OR56A3: variants seen among roughly 807,000 people sequenced by gnomAD.
The protein encoded by OR56A3 is olfactory receptor family 56 subfamily A member 3, also known as olfactory receptor 56A3.
OR56A3 carries 23 observed loss-of-function variants against 17.5 expected under a neutral mutation model. The observed-to-expected ratio is 1.32, with a 90% CI of 0.95 to 1.87. The LOEUF is 1.87. Ranked by LOEUF, OR56A3 falls within the 40% of genes most tolerant of loss-of-function variation. OR56A3 has a pLI of 0.00. For synonymous variants in OR56A3, 175 were observed against 150.6 expected, an observed-to-expected ratio of 1.16 and a Z score of -1.19; for missense variants, 366 against 380.1, an observed-to-expected ratio of 0.96 and a Z score of 0.31.
At chr11:5,968,296 T>C in the OR56A3 span, 1 of 1,612,722 alleles carries the variant, frequency 6.2e-7, no homozygotes. Context: ...GAGAGGAGGC[T>C]GAGCAGGTAG....
chr11:5,996,940 G>T, the OR56A3 span, among the ~76,000 whole-genome samples: 3 of 152,202 alleles, frequency 2.0e-5, no homozygotes, highest in African/African-American at 7.2e-5. Flanking sequence ...TGAGAGCAAG[G>T]CAGGATGAGA....
At chr11:5,986,592 G>C in the OR56A3 span, 4 of 1,613,956 alleles carry the variant, frequency 2.5e-6, no homozygotes, top group Non-Finnish European at 3.4e-6. Flanking sequence ...TCAGGCAGAC[G>C]ATGTACCCAA....
the OR56A3 span, among the ~76,000 whole-genome samples, chr11:5,956,789 A>G: frequency 6.6e-6 from 1 of 152,220 alleles, no homozygotes; most frequent in Admixed American, 6.5e-5. Context: ...GTACCTGCAC[A>G]AACATACCTA....
At chr11:5,978,528 T>C in the OR56A3 span, among the ~76,000 whole-genome samples, 1 of 152,098 alleles carries the variant, frequency 6.6e-6, no homozygotes, top group East Asian at 1.9e-4. Context: ...AGTATTGGTG[T>C]GTATAGGAAT....
At chr11:5,995,815 T>C in the OR56A3 span, among the ~76,000 whole-genome samples, 9 of 152,354 alleles carry the variant, frequency 5.9e-5, no homozygotes, top group African/African-American at 1.4e-4. Flanking sequence ...CACCACGCTG[T>C]GCAATAGATC....
the OR56A3 span, among the ~76,000 whole-genome samples, chr11:5,962,771 C>T: frequency 6.6e-6 from 1 of 152,236 alleles, no homozygotes; most frequent in Non-Finnish European, 1.5e-5. Context: ...ATCTCCTGAC[C>T]TCATGATTCA....
intron 1 of OR56A3, among the ~76,000 whole-genome samples, chr11:5,944,162 G>C (rs1847855270): frequency 1.3e-5 from 2 of 152,216 alleles, no homozygotes; most frequent in South Asian, 4.1e-4. Context: ...CTTACTCTCA[G>C]TGAGCCACTC....
chr11:5,949,073 A>G lies in OR56A3; in HGVS notation c.*779A>G, dbSNP rs1156504933. ...AAACAAATCTTTATTAATGAGTCAA[A>G]AGATTGCTGGTATTAGAGCATACAA... On this transcript the variant is annotated 3_prime_UTR_variant, in exon 3 of 3. Coordinates refer to ENST00000641160, the MANE Select transcript of OR56A3 (RefSeq NM_001003443.3). 6.6e-6 allele frequency: 1 copy of G among 152,216 alleles called. No individual in the cohort carries two copies. The highest frequency in any genetic ancestry group is 2.4e-5 in the African/African-American group (1 of 41,460). The allele number at this position is 152,216 out of a possible 1,614,324, so 9.4% of individuals were successfully genotyped here.
chr11:6,014,793 A>T, the OR56A3 span, among the ~76,000 whole-genome samples: 1 of 152,060 alleles, frequency 6.6e-6, no homozygotes, highest in Non-Finnish European at 1.5e-5. Context: ...GAGGTCTCAG[A>T]TGGAAAAGAG....
At chr11:6,002,631 AT>A in the OR56A3 span, 1 of 1,614,264 alleles carries the variant, frequency 6.2e-7, no homozygotes, top group South Asian at 1.1e-5. Context: ...GTCATAGGCC[AT>A]GACCATGAAC....
At chr11:5,992,778 C>A in the OR56A3 span, among the ~76,000 whole-genome samples, 1 of 152,120 alleles carries the variant, frequency 6.6e-6, no homozygotes, top group African/African-American at 2.4e-5. Context: ...CATCTGTTAC[C>A]CAGTAACAAG....
chr11:5,995,773 C>G, the OR56A3 span, among the ~76,000 whole-genome samples: 3 of 152,058 alleles, frequency 2.0e-5, no homozygotes, highest in Admixed American at 6.5e-5. Context: ...TTTCATTTTT[C>G]AAGAATACAA....
Position 5,947,326 on chromosome 11 carries a change from C to A in OR56A3, c.-21C>A. On this transcript the variant is annotated 5_prime_UTR_variant, in exon 3 of 3. Coordinates refer to ENST00000641160, the MANE Select transcript of OR56A3 (RefSeq NM_001003443.3). ...AATTTTCCAGATCACTGAAAGAAAG[C>A]AGTAAAATATATGGGAAAATATGAC... The A allele has an allele frequency of 6.5e-7, 1 of 1,546,244 alleles. No homozygotes were observed. Among genetic ancestry groups the A allele is most frequent in the Non-Finnish European group, 8.8e-7 (1 of 1,140,662 alleles).
Position 5,947,427 on chromosome 11 carries a change from G to A in OR56A3, c.81G>A (p.Trp27Ter). The change falls in exon 3 of 3, where the codon TGG (tryptophan) becomes TGA (stop). Residue 27 changes from tryptophan (W) to a stop codon, truncating the protein, a stop_gained. Coordinates refer to ENST00000641160, the MANE Select transcript of OR56A3 (RefSeq NM_001003443.3). LOFTEE classifies it high-confidence loss of function. The stretch of plus-strand genomic sequence containing the variant: ...ATTGTTTTGTCAGATCCCCCAGCTG[G>A]CAGCACTGGCTGTCCCTGCCCCTCA... Reference protein sequence around the residue: ...LLNCFVRSPSWQHWLSLPLSL... With the variant: ...LLNCFVRSPS 2 of 1,614,146 alleles carry A rather than the reference G, an allele frequency of 1.2e-6. No homozygotes were observed. Among genetic ancestry groups the A allele is most frequent in the Non-Finnish European group, 1.7e-6 (2 of 1,180,024 alleles).
the OR56A3 span, chr11:5,967,928 T>C: frequency 1.3e-6 from 2 of 1,595,282 alleles, no homozygotes; most frequent in Non-Finnish European, 1.7e-6. Flanking sequence ...CACAAGAGAG[T>C]TTAGACACAG....
the OR56A3 span, among the ~76,000 whole-genome samples, chr11:5,966,893 A>AAC: frequency 0.084 from 12,408 of 147,150 alleles, 581 homozygotes; most frequent in Middle Eastern, 0.11. Flanking sequence ...CACTTAAAGC[A>AAC]ACACACACAC....
At chr11:5,963,362 C>G in the OR56A3 span, among the ~76,000 whole-genome samples, 1 of 152,110 alleles carries the variant, frequency 6.6e-6, no homozygotes, top group African/African-American at 2.4e-5. Context: ...TCCCACAGGT[C>G]TGTAGTAATG....
chr11:5,975,704 G>A, the OR56A3 span, among the ~76,000 whole-genome samples: 2 of 151,904 alleles, frequency 1.3e-5, no homozygotes, highest in African/African-American at 2.4e-5. Context: ...ATGATTTATA[G>A]TCCTTTGGGC....
At chr11:6,007,773 G>A in the OR56A3 span, among the ~76,000 whole-genome samples, 1 of 152,166 alleles carries the variant, frequency 6.6e-6, no homozygotes, top group African/African-American at 2.4e-5. Context: ...AAGTACTAGA[G>A]GAACATTCCC....
Sources: gnomAD v4.1 joint callset for allele counts (sites outside exome capture counted in the v4.1 genomes callset) on GRCh38, gnomAD v4.1.1 for gene constraint, MANE v1.5 for transcripts, NCBI Gene and HGNC (gene_info 2026-07-23, HGNC 2026-07-21) for gene names.